Variants in CCSER1 observed in about 807,000 individuals in gnomAD.
CCSER1 encodes serine-rich coiled-coil domain-containing protein 1.
A neutral mutation model predicts 82.0 loss-of-function variants in CCSER1; 41 were observed. The ratio of observed to expected loss-of-function variants is 0.50; its 90% CI spans 0.39 to 0.65. CCSER1 has a LOEUF of 0.65. Among genes scored for constraint, CCSER1 ranks in the 30% least tolerant of loss-of-function variants. The pLI is 0.00. For synonymous variants in CCSER1, 414 were observed against 383.9 expected (o/e 1.08, Z -0.92); for missense variants, 1,119 against 1,064.2 (o/e 1.05, Z -0.72).
rs117935170 is a variant in CCSER1 at position 90,591,851 on chromosome 4, G to T, written c.1725-36174G>T. Among the ~76,000 whole-genome samples the T allele has an allele frequency of 7.8e-4, 118 of 152,236 alleles. 1 individual carries two copies. In the East Asian group the frequency reaches 0.016, roughly 20 times the overall value. On this transcript the variant is annotated intron_variant, in intron 5 of 10. Transcript: ENST00000509176. The stretch of plus-strand genomic sequence containing the variant: ...CATATACACCACGGAATGCCACGCT[G>T]CCATAAAAAAGAATGAGTTCATGTC...
intron 8 of CCSER1, among the ~76,000 whole-genome samples, chr4:90,904,141 T>C (rs867565314): frequency 2.0e-5 from 3 of 152,216 alleles, no homozygotes; most frequent in Admixed American, 6.5e-5. Flanking sequence ...ACTGGTTCTC[T>C]TTTGACTGTA....
At position 91,297,365 on chromosome 4, in the gene CCSER1, T is replaced by TTG. The variant is rs764634343; in HGVS notation, c.2217+211389_2217+211390dup. Among the ~76,000 whole-genome samples the TTG allele has an allele frequency of 5.2e-3, 674 of 128,872 alleles. 9 individuals are homozygous for TTG. The highest frequency in any genetic ancestry group is 0.016 in the African/African-American group (527 of 33,246). The allele number at this position is 128,872 out of a possible 152,430, so 84.5% of individuals were successfully genotyped here. On this transcript the variant is annotated intron_variant, in intron 10 of 10. Coordinates refer to ENST00000509176, the MANE Select transcript of CCSER1 (RefSeq NM_001145065.2). ...CTGCTCACCTGAGGAGAATGGATGC[T>TTG]TGTGTGTGTGTGTGTGTGTATGTGT...
chr4:91,390,052 G>GT (rs1457386972), intron 10 of CCSER1, among the ~76,000 whole-genome samples: 2 of 151,878 alleles, frequency 1.3e-5, no homozygotes, highest in East Asian at 3.9e-4. Context: ...CCTAACCTAC[G>GT]TATGTTTTAT....
intron 5 of CCSER1, among the ~76,000 whole-genome samples, chr4:90,485,519 C>A (rs1028774664): frequency 1.3e-5 from 1 of 76,180 alleles, no homozygotes; most frequent in East Asian, 6.7e-4. Context: ...CTTGGCTCCA[C>A]CCCCCCCCCC....
chr4:90,784,770 G>A (rs1221043532), intron 7 of CCSER1, among the ~76,000 whole-genome samples: 1 of 152,114 alleles, frequency 6.6e-6, no homozygotes, highest in Non-Finnish European at 1.5e-5. Context: ...TTGACTAGAA[G>A]TCTTACTGAT....
At chr4:90,205,777 A>G (rs970055147) in intron 1 of CCSER1, among the ~76,000 whole-genome samples, 2 of 152,132 alleles carry the variant, frequency 1.3e-5, no homozygotes, top group African/African-American at 4.8e-5. Context: ...TAATGGTACC[A>G]GCTCCTCTTT....
At chr4:91,099,127 G>T (rs985073054) in intron 10 of CCSER1, among the ~76,000 whole-genome samples, 6 of 152,028 alleles carry the variant, frequency 3.9e-5, no homozygotes, top group African/African-American at 1.4e-4. Context: ...CTACTTGTAT[G>T]TTTTCTTTAT....
intron 10 of CCSER1, among the ~76,000 whole-genome samples, chr4:91,518,869 A>C (rs1760292961): frequency 6.6e-6 from 1 of 152,144 alleles, no homozygotes; most frequent in African/African-American, 2.4e-5. Context: ...GTGGTCCTGA[A>C]CCAGGGGCCC....
At chr4:90,209,695 A>G (rs1386879802) in intron 1 of CCSER1, among the ~76,000 whole-genome samples, 4 of 151,006 alleles carry the variant, frequency 2.6e-5, no homozygotes, top group South Asian at 2.1e-4. Flanking sequence ...CTTTGGGCCA[A>G]TTAAATCTTT....
intron 10 of CCSER1, among the ~76,000 whole-genome samples, chr4:91,330,013 G>T (rs1746836316): frequency 6.6e-6 from 1 of 151,258 alleles, no homozygotes; most frequent in African/African-American, 2.4e-5. Context: ...GTATTCTTTG[G>T]GTTTATTCTT....
At chr4:90,738,320 C>A (rs1349362902) in intron 7 of CCSER1, among the ~76,000 whole-genome samples, 1 of 152,154 alleles carries the variant, frequency 6.6e-6, no homozygotes, top group Non-Finnish European at 1.5e-5. Flanking sequence ...GCAGCCATAT[C>A]TGCATTAGAG....
At chr4:91,334,460 A>G (rs1171514387) in intron 10 of CCSER1, among the ~76,000 whole-genome samples, 1 of 152,058 alleles carries the variant, frequency 6.6e-6, no homozygotes, top group African/African-American at 2.4e-5. Context: ...GTTTGACACA[A>G]TTTGCAGCGA....
chr4:90,645,336 G>T (rs1727366074), intron 6 of CCSER1, among the ~76,000 whole-genome samples: 4 of 152,132 alleles, frequency 2.6e-5, no homozygotes, highest in Admixed American at 1.3e-4. Flanking sequence ...ACAGAGATGT[G>T]TTGTAAGTGC....
intron 10 of CCSER1, among the ~76,000 whole-genome samples, chr4:91,513,419 T>A (rs1759931889): frequency 2.6e-5 from 4 of 152,108 alleles, no homozygotes; most frequent in Admixed American, 2.6e-4. Flanking sequence ...TAGCCTGTGG[T>A]TTTCCTTTTC....
chr4:90,370,895 C>G (rs980703034), intron 3 of CCSER1, among the ~76,000 whole-genome samples: 1 of 151,854 alleles, frequency 6.6e-6, no homozygotes, highest in African/African-American at 2.4e-5. Flanking sequence ...TTAACTTTGG[C>G]CATGAATTAT....
chr4:90,386,747 T>A (rs1750121218), intron 3 of CCSER1, among the ~76,000 whole-genome samples: 1 of 152,172 alleles, frequency 6.6e-6, no homozygotes, highest in South Asian at 2.1e-4. Context: ...CTACTTTAGA[T>A]GAATTGCACC....
At chr4:91,003,287 C>G (rs189343785) in intron 9 of CCSER1, among the ~76,000 whole-genome samples, 3 of 152,214 alleles carry the variant, frequency 2.0e-5, no homozygotes, top group Middle Eastern at 3.4e-3. Context: ...CTAGAACTCC[C>G]AAGAGTATAT....
intron 3 of CCSER1, among the ~76,000 whole-genome samples, chr4:90,326,295 C>T (rs537161963): frequency 3.7e-4 from 57 of 152,092 alleles, no homozygotes; most frequent in African/African-American, 9.4e-4. Context: ...CTCCTGACCT[C>T]GTGATCCTCC....
Position 90,925,610 on chromosome 4 carries a change from C to T in CCSER1, c.2172+2163C>T, listed in dbSNP as rs867476585. On this transcript the variant is annotated intron_variant, in intron 9 of 10. Transcript: ENST00000509176. ...CACCATAGTTACCAGCAGCCTCTTA[C>T]GTATTTGCCTATCCATGCCTCATAA... is the stretch of plus-strand genomic sequence containing the variant. 5.3e-5 allele frequency among the ~76,000 whole-genome samples: 8 copies of T among 152,190 alleles called. No homozygotes were observed. The East Asian group carries it at 1.4e-3, about 26-fold the overall frequency.
Sources: allele counts gnomAD v4.1 joint callset (sites outside exome capture counted in the v4.1 genomes callset), GRCh38; gene constraint gnomAD v4.1.1; transcripts MANE v1.5; gene names NCBI Gene and HGNC (gene_info 2026-07-23, HGNC 2026-07-21).